Variants in SST observed in about 807,000 individuals in gnomAD.
The protein encoded by SST is somatostatin, also known as growth hormone release-inhibiting factor.
A neutral mutation model predicts 10.4 loss-of-function variants in SST; 7 were observed. The ratio of observed to expected loss-of-function variants is 0.67; its 90% CI spans 0.38 to 1.26. SST has a LOEUF of 1.26. Among genes scored for constraint, SST ranks in the 50% most tolerant of loss-of-function variants. SST has a pLI of 0.02. For missense variants in SST, 145 were observed against 140.8 expected (o/e 1.03, Z -0.15); for synonymous variants, 63 against 63.9 (o/e 0.99, Z 0.07).
rs766492042 is a variant in SST, at chr3:187,669,565, C to A, written c.139-288G>T. Reference sequence around the variant, plus strand: ...ACACACACACACACGCACAAACACACACACACACACACACACACACATAAA... The same window carrying A: ...ACACACACACACACGCACAAACACAAACACACACACACACACACACATAAA... On this transcript the variant is annotated intron_variant, in intron 1 of 1. Transcript: ENST00000287641. 7.9e-3 allele frequency among the ~76,000 whole-genome samples: 882 copies of A among 111,978 alleles called. 3 individuals carry two copies. The highest frequency in any genetic ancestry group is 0.024 in the African/African-American group (578 of 24,368). The allele number at this position is 111,978 out of a possible 152,430, so 73.5% of individuals were successfully genotyped here.
Position 187,669,256 on chromosome 3 carries a change from C to T in SST, c.160G>A (p.Ala54Thr). The T allele has an allele frequency of 6.2e-7, 1 of 1,613,212 alleles. No individual in the cohort carries two copies. Among genetic ancestry groups the T allele is most frequent in the Non-Finnish European group, 8.5e-7 (1 of 1,179,880 alleles). Residue 54 changes from alanine (A) to threonine (T), a missense_variant, in exon 2 of 2, where the codon GCA (alanine) becomes ACA (threonine). Physicochemically the swap from Ala to Thr is moderately conservative, Grantham distance 58. Transcript: ENST00000287641. ...GKQELAKYFL[A>T]ELLSEPNQTE... is the part of the protein sequence containing the mutation. Reference sequence around the variant, plus strand: ...TGGTTGGGTTCAGACAGCAGCTCTGCCAAGAAGTACTTGGCCAGTTCCTGT... The same window carrying T: ...TGGTTGGGTTCAGACAGCAGCTCTGTCAAGAAGTACTTGGCCAGTTCCTGT...
chr3:187,670,095 C>T (rs538692854), intron 1 of SST, 59 bp downstream of exon 1: 1 of 1,534,972 alleles, frequency 6.5e-7, no homozygotes, highest in Non-Finnish European at 8.8e-7. Flanking sequence ...ACCAATGGGG[C>T]AGGAGCAAGG....
In SST at chr3:187,669,011, G is replaced by A. The variant is rs1041711203; in HGVS notation, c.*54C>T. 2.6e-6 allele frequency: 4 copies of A among 1,529,726 alleles called. No homozygotes were observed. The highest frequency in any genetic ancestry group is 1.4e-5 in the African/African-American group (1 of 73,146). 94.8% of individuals were successfully genotyped at this position (1,529,726 alleles called of 1,614,324 possible). On this transcript the variant is annotated 3_prime_UTR_variant, in exon 2 of 2. Transcript: ENST00000287641. Reference sequence around the variant, plus strand: ...CTTGGAGGATTAGGGAAGAGAGATGGGGTGTGGGGGCGAGGGATCAGAGGT... The same window carrying A: ...CTTGGAGGATTAGGGAAGAGAGATGAGGTGTGGGGGCGAGGGATCAGAGGT...
At chr3:187,669,351 T>G (rs1259627794) in intron 1 of SST, 74 bp from the exon 2 acceptor site, 1 of 1,428,620 alleles carries the variant, frequency 7.0e-7, no homozygotes, top group Non-Finnish European at 9.7e-7. Flanking sequence ...TTGAAAAGCC[T>G]AAATTAAAGA....
Position 187,670,313 on chromosome 3 carries a change from C to A in SST, c.-22G>T. On this transcript the variant is annotated 5_prime_UTR_variant, in exon 1 of 2. Coordinates refer to ENST00000287641, the MANE Select transcript of SST (RefSeq NM_001048.4). ...GCATCTCGGCGCCGCGAAAGCCGAG[C>A]TGGAGAGTGGCTGGTCAAACTCTAG... 2 of 1,564,532 alleles carry A rather than the reference C, an allele frequency of 1.3e-6. No homozygotes were observed. Among genetic ancestry groups the A allele is most frequent in the Non-Finnish European group, 1.7e-6 (2 of 1,154,216 alleles).
intron 1 of SST, 135 bp downstream of exon 1, chr3:187,670,019 C>A: frequency 1.1e-6 from 1 of 926,518 alleles, no homozygotes; most frequent in Non-Finnish European, 1.6e-6. Flanking sequence ...TCAAGAGCTT[C>A]GGGAGCTGAG....
At chr3:187,670,047 A>G (rs1717200353) in intron 1 of SST, 107 bp downstream of exon 1, 1 of 1,291,118 alleles carries the variant, frequency 7.7e-7, no homozygotes, top group Admixed American at 2.8e-5. Flanking sequence ...GAAAAGCACC[A>G]AAACTCTTTA....
chr3:187,669,623 A>G (rs920475253), intron 1 of SST, among the ~76,000 whole-genome samples: 3 of 152,016 alleles, frequency 2.0e-5, no homozygotes, highest in Non-Finnish European at 4.4e-5. Context: ...GTGTGCCAAC[A>G]GTTTAATTCA....
At position 187,669,013 on chromosome 3, in the gene SST, G is replaced by T. The variant is rs1381427407; in HGVS notation, c.*52C>A. ...TGGAGGATTAGGGAAGAGAGATGGG[G>T]TGTGGGGGCGAGGGATCAGAGGTCT... is the stretch of plus-strand genomic sequence containing the variant. On this transcript the variant is annotated 3_prime_UTR_variant, in exon 2 of 2. Coordinates refer to ENST00000287641, the MANE Select transcript of SST (RefSeq NM_001048.4). 3.2e-6 allele frequency: 5 copies of T among 1,542,924 alleles called. No individual in the cohort carries two copies. The Admixed American group carries it at 6.7e-5, about 21-fold the overall frequency.
chr3:187,669,416 A>G, intron 1 of SST, 139 bp from the exon 2 acceptor site: 1 of 745,616 alleles, frequency 1.3e-6, no homozygotes, highest in Non-Finnish European at 2.2e-6. Context: ...TTTTTGTCAC[A>G]TTTAAAATCA....
rs1169388532 is a variant in SST at position 187,670,284 on chromosome 3, G to C, written c.8C>G (p.Ser3Cys). The change falls in exon 1 of 2, where the codon TCC becomes TGC. Residue 3 changes from serine to cysteine, a missense_variant. Transcript: ENST00000287641. Reference sequence around the variant, plus strand: ...AGCCAGCGCGCACTGGAGGCGGCAGGACAGCATCTCGGCGCCGCGAAAGCC... The same window carrying C: ...AGCCAGCGCGCACTGGAGGCGGCAGCACAGCATCTCGGCGCCGCGAAAGCC... Reference protein sequence around the residue: MLSCRLQCALAAL... With the variant: MLCCRLQCALAAL... 2 of 1,585,634 alleles carry C rather than the reference G, an allele frequency of 1.3e-6. No individual in the cohort carries two copies. Among genetic ancestry groups the C allele is most frequent in the Middle Eastern group, 1.7e-4 (1 of 5,742 alleles).
intron 1 of SST, 73 bp downstream of exon 1, chr3:187,670,081 C>T (rs1217686799): frequency 2.7e-6 from 4 of 1,501,588 alleles, no homozygotes; most frequent in Non-Finnish European, 2.7e-6. Context: ...TCCCTTACGT[C>T]CAAACCAATG....
chr3:187,670,335 C>T lies in SST; in HGVS notation c.-44G>A, dbSNP rs1250104877. 2 of 1,541,008 alleles carry T rather than the reference C, an allele frequency of 1.3e-6. No individual in the cohort carries two copies. The highest frequency in any genetic ancestry group is 1.2e-5 in the South Asian group (1 of 83,694). On this transcript the variant is annotated 5_prime_UTR_variant, in exon 1 of 2. Coordinates refer to ENST00000287641, the MANE Select transcript of SST (RefSeq NM_001048.4). ...GAGCTGGAGAGTGGCTGGTCAAACTCTAGGCGCGGATCAGCAGGCAGCAGC... is the reference window on the plus strand; with the variant it reads ...GAGCTGGAGAGTGGCTGGTCAAACTTTAGGCGCGGATCAGCAGGCAGCAGC...
At position 187,670,193 on chromosome 3, in the gene SST, C is replaced by G; in HGVS notation, c.99G>C (p.Gln33His). Residue 33 changes from glutamine to histidine, a missense_variant, in exon 1 of 2, where the codon CAG (glutamine) becomes CAC (histidine). Coordinates refer to ENST00000287641, the MANE Select transcript of SST (RefSeq NM_001048.4). ...TGAPSDPRLR[Q>H]FLQKSLAAAA... is the part of the protein sequence containing the mutation. ...CAGCAGCCAGGGACTTCTGCAGAAA[C>G]TGACGGAGTCTGGGGTCCGAGGGAG... 3 of 1,594,432 alleles carry G rather than the reference C, an allele frequency of 1.9e-6. No homozygotes were observed. Among genetic ancestry groups the G allele is most frequent in the Non-Finnish European group, 2.6e-6 (3 of 1,170,644 alleles).
In SST at chr3:187,669,283, T is replaced by C. The variant is rs1279291319; in HGVS notation, c.139-6A>G. On this transcript the variant is annotated splice_region_variant and splice_polypyrimidine_tract_variant and intron_variant, in intron 1 of 1. Transcript: ENST00000287641. Reference sequence around the variant, plus strand: ...AAGAAGTACTTGGCCAGTTCCTGTATAGGGCAGAAGGGATAGAAAAAGAGA... The same window carrying C: ...AAGAAGTACTTGGCCAGTTCCTGTACAGGGCAGAAGGGATAGAAAAAGAGA... The C allele has an allele frequency of 3.1e-6, 5 of 1,613,136 alleles. No homozygotes were observed. In the South Asian group the frequency reaches 4.4e-5, roughly 14 times the overall value.
Position 187,669,285 on chromosome 3 carries a change from G to T in SST, c.139-8C>A, listed in dbSNP as rs754918966. The T allele has an allele frequency of 1.9e-5, 31 of 1,612,232 alleles. No homozygotes were observed. In the South Asian group the frequency reaches 3.4e-4, roughly 18 times the overall value. On this transcript the variant is annotated splice_region_variant and splice_polypyrimidine_tract_variant and intron_variant, in intron 1 of 1. Coordinates refer to ENST00000287641, the MANE Select transcript of SST (RefSeq NM_001048.4). ...GAAGTACTTGGCCAGTTCCTGTATA[G>T]GGCAGAAGGGATAGAAAAAGAGAGA...
intron 1 of SST, among the ~76,000 whole-genome samples, chr3:187,669,863 G>T (rs1229015513): frequency 6.6e-6 from 1 of 152,118 alleles, no homozygotes; most frequent in Non-Finnish European, 1.5e-5. Context: ...AGGGATAGAC[G>T]CCATTGTCGC....
At chr3:187,669,394 A>G in intron 1 of SST, 117 bp from the exon 2 acceptor site, 1 of 909,044 alleles carries the variant, frequency 1.1e-6, no homozygotes, top group South Asian at 1.6e-5. Flanking sequence ...TCCAGTTTTT[A>G]CAGCTGCGCA....
Position 187,670,323 on chromosome 3 carries a change from G to A in SST, c.-32C>T, listed in dbSNP as rs1464723205. 1.9e-6 allele frequency: 3 copies of A among 1,554,278 alleles called. No homozygotes were observed. The highest frequency in any genetic ancestry group is 2.4e-5 in the East Asian group (1 of 41,808). Reference sequence around the variant, plus strand: ...GCCGCGAAAGCCGAGCTGGAGAGTGGCTGGTCAAACTCTAGGCGCGGATCA... The same window carrying A: ...GCCGCGAAAGCCGAGCTGGAGAGTGACTGGTCAAACTCTAGGCGCGGATCA... On this transcript the variant is annotated 5_prime_UTR_variant, in exon 1 of 2. Transcript: ENST00000287641.
Sources: gnomAD v4.1 joint callset for allele counts (sites outside exome capture counted in the v4.1 genomes callset) on GRCh38, gnomAD v4.1.1 for gene constraint, MANE v1.5 for transcripts, NCBI Gene and HGNC (gene_info 2026-07-23, HGNC 2026-07-21) for gene names.